The following H2AZ2 variants were observed in gnomAD, a reference collection of about 807,000 sequenced individuals.
H2AZ2 encodes H2A.Z variant histone 2.
Under a neutral mutation model 15.5 loss-of-function variants are expected in H2AZ2, and 5 were observed. The observed-to-expected ratio is 0.32, with a 90% CI of 0.17 to 0.68. The LOEUF (loss-of-function observed/expected upper bound fraction) is 0.68, where lower values mean the gene tolerates loss of function less well. H2AZ2 is among the 30% of genes least tolerant of loss of function. The pLI is 0.72. For synonymous variants in H2AZ2, 44 were observed against 57.4 expected (o/e 0.77, Z 1.05); for missense variants, 42 against 162.5 (o/e 0.26, Z 4.03).
At chr7:44,838,675 C>T (rs12536807) in intron 3 of H2AZ2, among the ~76,000 whole-genome samples, 52,542 of 151,810 alleles carry the variant, frequency 0.35, 10,181 homozygotes, top group Middle Eastern at 0.45. Flanking sequence ...CAAGAAAAAC[C>T]CCAAAAACAA....
At chr7:44,836,763 G>A (rs185721408) in intron 3 of H2AZ2, among the ~76,000 whole-genome samples, 68 of 152,146 alleles carry the variant, frequency 4.5e-4, no homozygotes, top group Non-Finnish European at 6.8e-4. Context: ...TTGGGAGGCC[G>A]AGAGGGGTGG....
chr7:44,845,918 A>T (rs1352500256), intron 1 of H2AZ2, among the ~76,000 whole-genome samples: 2 of 152,220 alleles, frequency 1.3e-5, no homozygotes, highest in Admixed American at 1.3e-4. Flanking sequence ...CCTACTTTGA[A>T]CATTCATTTT....
rs1036563686 is a variant in H2AZ2, at chr7:44,832,347, C to A, written c.*2154G>T. Among the ~76,000 whole-genome samples, 4 of 152,058 alleles carry A rather than the reference C, an allele frequency of 2.6e-5. No individual in the cohort carries two copies. Among genetic ancestry groups the A allele is most frequent in the African/African-American group, 9.7e-5 (4 of 41,394 alleles). ...TTATATTTGAATGTCTCTGATCACA[C>A]AGACATGAAAATACTATGCCTGTTA... is the stretch of plus-strand genomic sequence containing the variant. On this transcript the variant is annotated 3_prime_UTR_variant, in exon 5 of 5. Coordinates refer to ENST00000308153, the MANE Select transcript of H2AZ2 (RefSeq NM_012412.5).
At chr7:44,844,043 GA>G (rs55761560) in intron 1 of H2AZ2, among the ~76,000 whole-genome samples, 97,287 of 141,798 alleles carry the variant, frequency 0.69, 35,312 homozygotes, top group Non-Finnish European at 0.83. Context: ...CATGTTCCAA[GA>G]AAAAAAAAAA....
At position 44,833,562 on chromosome 7, in the gene H2AZ2, G is replaced by T; in HGVS notation, c.*939C>A. Reference sequence around the variant, plus strand: ...GACGGCGTTTTACCATGTTGGCCAGGCTGGTCTCAAACTCCTGACCTCAAG... The same window carrying T: ...GACGGCGTTTTACCATGTTGGCCAGTCTGGTCTCAAACTCCTGACCTCAAG... On this transcript the variant is annotated 3_prime_UTR_variant, in exon 5 of 5. Coordinates refer to ENST00000308153, the MANE Select transcript of H2AZ2 (RefSeq NM_012412.5). 1 of 404,668 alleles carries T rather than the reference G, an allele frequency of 2.5e-6. No individual in the cohort carries two copies. The highest frequency in any genetic ancestry group is 2.2e-5 in the African/African-American group (1 of 46,136). 25.1% of individuals were successfully genotyped at this position (404,668 alleles called of 1,614,324 possible).
chr7:44,840,823 A>G, intron 3 of H2AZ2, 76 bp downstream of exon 3: 1 of 949,074 alleles, frequency 1.1e-6, no homozygotes, highest in South Asian at 1.6e-5. Context: ...TTTTTCAAAT[A>G]TATTCCATGG....
chr7:44,845,227 G>A (rs1793368168), intron 1 of H2AZ2, among the ~76,000 whole-genome samples: 1 of 151,994 alleles, frequency 6.6e-6, no homozygotes, highest in Admixed American at 6.6e-5. Context: ...ACCCTGGCAG[G>A]TATCAGAAAC....
chr7:44,831,739 T>C (rs1793003489), downstream of H2AZ2, among the ~76,000 whole-genome samples: 2 of 152,212 alleles, frequency 1.3e-5, no homozygotes, highest in South Asian at 2.1e-4. Flanking sequence ...ATATCACTGG[T>C]TGGCAACCTC....
intron 1 of H2AZ2, among the ~76,000 whole-genome samples, chr7:44,845,020 T>C (rs1364991077): frequency 6.6e-6 from 1 of 152,206 alleles, no homozygotes; most frequent in Non-Finnish European, 1.5e-5. Context: ...AAGAAATCAG[T>C]TTACAAGATT....
chr7:44,834,683 T>A, intron 4 of H2AZ2, 121 bp from the exon 5 acceptor site: 2 of 865,508 alleles, frequency 2.3e-6, no homozygotes, highest in Non-Finnish European at 3.5e-6. Flanking sequence ...ACTGTTAAAC[T>A]ATCTATACCA....
chr7:44,835,242 A>T, intron 4 of H2AZ2: 1 of 396,096 alleles, frequency 2.5e-6, no homozygotes, highest in Middle Eastern at 6.6e-4. Flanking sequence ...TCATTTTTCA[A>T]ACACAGTTAA....
chr7:44,843,155 AAAAAAAAAAAAAAAAAAAAAGTCTGT>A (rs901082599), intron 2 of H2AZ2, 96 bp downstream of exon 2: 11 of 276,126 alleles, frequency 4.0e-5, no homozygotes, highest in African/African-American at 2.3e-4. Flanking sequence ...AAAAAAAAAA[AAAAAAAAAAAAAAAAAAAAAGTCTGT>A]AGTAATACAA....
chr7:44,836,960 C>T (rs1793138940), intron 3 of H2AZ2, among the ~76,000 whole-genome samples: 1 of 151,122 alleles, frequency 6.6e-6, no homozygotes, highest in Non-Finnish European at 1.5e-5. Context: ...GGCGCCACTG[C>T]ACTCCAGCCT....
At chr7:44,827,750 T>C (rs1792946237), downstream of H2AZ2, 1 of 152,124 alleles carries the variant, frequency 6.6e-6, no homozygotes, top group Middle Eastern at 3.2e-3. Flanking sequence ...TCAGCTGCCA[T>C]TTAGGGAGTT....
At chr7:44,843,662 G>A (rs748226522) in intron 1 of H2AZ2, among the ~76,000 whole-genome samples, 4 of 152,254 alleles carry the variant, frequency 2.6e-5, no homozygotes, top group African/African-American at 4.8e-5. Flanking sequence ...GGGCTCAAGC[G>A]ATTCTCCTGC....
chr7:44,830,021 A>C, downstream of H2AZ2: 1 of 793,860 alleles, frequency 1.3e-6, no homozygotes, highest in South Asian at 1.8e-5. Flanking sequence ...TCTGAGAAGC[A>C]AATGTCCTTG....
upstream of H2AZ2, chr7:44,848,121 T>A (rs1052058285): frequency 2.5e-6 from 1 of 397,526 alleles, no homozygotes. Context: ...AATGCCCGCT[T>A]GTCTTGCTGG....
intron 4 of H2AZ2, chr7:44,835,205 C>T: frequency 5.8e-6 from 2 of 341,980 alleles, no homozygotes; most frequent in Non-Finnish European, 1.0e-5. Flanking sequence ...CAACCCTTTC[C>T]AGTGTATGTT....
Position 44,848,027 on chromosome 7 carries a change from G to GCGC in H2AZ2, c.-59_-57dup, listed in dbSNP as rs979766125. The GCGC allele has an allele frequency of 5.1e-5, 59 of 1,168,178 alleles. No homozygotes were observed. Among genetic ancestry groups the GCGC allele is most frequent in the African/African-American group, 1.5e-4 (9 of 61,736 alleles). 72.4% of individuals were successfully genotyped at this position (1,168,178 alleles called of 1,614,324 possible). On this transcript the variant is annotated 5_prime_UTR_variant, in exon 1 of 5. Transcript: ENST00000308153. ...CCGCGCGCCCTCCCGCTGCCGACCCGCGCCGCCGCCGCCGCTCTCGCAGCA... is the reference window on the plus strand; with the variant it reads ...CCGCGCGCCCTCCCGCTGCCGACCCGCGCCGCCGCCGCCGCCGCTCTCGCAGCA...
Sources: gnomAD v4.1 joint callset for allele counts (sites outside exome capture counted in the v4.1 genomes callset) on GRCh38, gnomAD v4.1.1 for gene constraint, MANE v1.5 for transcripts, NCBI Gene and HGNC (gene_info 2026-07-23, HGNC 2026-07-21) for gene names.